CIMAP3: variants seen among roughly 807,000 people sequenced by gnomAD.
CIMAP3 encodes ciliary microtubule-associated protein 3.
the CIMAP3 span, among the ~76,000 whole-genome samples, chr1:111,330,215 C>G: frequency 6.6e-6 from 1 of 152,152 alleles, no homozygotes; most frequent in Non-Finnish European, 1.5e-5. Context: ...GTTAAAAACT[C>G]TTGTTGGAGA....
At chr1:111,327,074 C>A in the CIMAP3 span, among the ~76,000 whole-genome samples, 1 of 152,048 alleles carries the variant, frequency 6.6e-6, no homozygotes, top group Non-Finnish European at 1.5e-5. Flanking sequence ...TCATTTGCTG[C>A]ACAGAAGCTT....
chr1:111,334,086 G>A, the CIMAP3 span, among the ~76,000 whole-genome samples: 1 of 152,144 alleles, frequency 6.6e-6, no homozygotes, highest in Non-Finnish European at 1.5e-5. Flanking sequence ...CACATTATTA[G>A]TGACATAAAG....
At chr1:111,333,518 G>A in the CIMAP3 span, among the ~76,000 whole-genome samples, 3 of 152,190 alleles carry the variant, frequency 2.0e-5, no homozygotes, top group South Asian at 6.2e-4. Context: ...TCCAAACTGG[G>A]CTCAGGGCTC....
chr1:111,332,208 T>C, the CIMAP3 span, among the ~76,000 whole-genome samples: 2,552 of 152,268 alleles, frequency 0.017, 26 homozygotes, highest in Non-Finnish European at 0.026. Flanking sequence ...GGGCAGTCTG[T>C]GGGGCTGTTA....
At chr1:111,333,694 G>A in the CIMAP3 span, among the ~76,000 whole-genome samples, 66 of 152,244 alleles carry the variant, frequency 4.3e-4, no homozygotes, top group African/African-American at 1.6e-3. Context: ...TCTCCATTCT[G>A]CCCTCCTGGA....
chr1:111,342,106 A>G, the CIMAP3 span, among the ~76,000 whole-genome samples: 1 of 152,204 alleles, frequency 6.6e-6, no homozygotes, highest in Admixed American at 6.5e-5. Flanking sequence ...GACTCAAATA[A>G]GACTACCCCA....
chr1:111,327,643 G>A, the CIMAP3 span, among the ~76,000 whole-genome samples: 3 of 152,214 alleles, frequency 2.0e-5, no homozygotes, highest in East Asian at 5.8e-4. Flanking sequence ...GTTTTTATGT[G>A]TAGAGGTGTT....
At chr1:111,347,702 A>C in the CIMAP3 span, 4 of 1,612,420 alleles carry the variant, frequency 2.5e-6, no homozygotes, top group South Asian at 4.4e-5. Flanking sequence ...GACTTATCTA[A>C]GATCCCAACC....
chr1:111,350,175 A>C, the CIMAP3 span: 1 of 1,614,112 alleles, frequency 6.2e-7, no homozygotes, highest in South Asian at 1.1e-5. Context: ...TTGGATCTCC[A>C]GACTGGGCTC....
the CIMAP3 span, chr1:111,348,427 G>A: frequency 7.9e-7 from 1 of 1,268,198 alleles, no homozygotes; most frequent in African/African-American, 1.5e-5. Context: ...AACAGAAAGA[G>A]GATGATTCTG....
the CIMAP3 span, chr1:111,348,569 AC>A: frequency 6.2e-7 from 1 of 1,612,520 alleles, no homozygotes; most frequent in South Asian, 1.1e-5. Context: ...AGCAGGAAAA[AC>A]ACAAACAAAA....
At chr1:111,348,518 A>C in the CIMAP3 span, 1 of 1,600,526 alleles carries the variant, frequency 6.2e-7, no homozygotes, top group Non-Finnish European at 8.5e-7. Flanking sequence ...GGAAACAGGA[A>C]ATGACACCTC....
At chr1:111,326,868 C>T in the CIMAP3 span, among the ~76,000 whole-genome samples, 22 of 152,194 alleles carry the variant, frequency 1.4e-4, 1 homozygote, top group Non-Finnish European at 2.2e-4. Flanking sequence ...TTCATATCCA[C>T]GTTAGCCATT....
chr1:111,326,108 T>C, the CIMAP3 span, among the ~76,000 whole-genome samples: 1 of 152,188 alleles, frequency 6.6e-6, no homozygotes, highest in Admixed American at 6.5e-5. Context: ...GTCAGGGTAT[T>C]TGAGGTGTCC....
At chr1:111,329,797 G>A in the CIMAP3 span, among the ~76,000 whole-genome samples, 2 of 151,852 alleles carry the variant, frequency 1.3e-5, no homozygotes, top group African/African-American at 4.8e-5. Flanking sequence ...CAGGTAATCA[G>A]CCCGCCTCAG....
chr1:111,328,081 A>AAAGAAGTTC, the CIMAP3 span, among the ~76,000 whole-genome samples: 1 of 152,138 alleles, frequency 6.6e-6, no homozygotes, highest in African/African-American at 2.4e-5. Flanking sequence ...GAACTTCTTG[A>AAAGAAGTTC]TTTCTGCCTT....
At chr1:111,334,710 T>A in the CIMAP3 span, among the ~76,000 whole-genome samples, 17,201 of 152,272 alleles carry the variant, frequency 0.11, 1,108 homozygotes, top group Non-Finnish European at 0.14. Flanking sequence ...TGATAATTTT[T>A]AAAAATTTTT....
chr1:111,331,543 G>T, the CIMAP3 span, among the ~76,000 whole-genome samples: 60 of 151,888 alleles, frequency 4.0e-4, no homozygotes, highest in African/African-American at 1.4e-3. Flanking sequence ...GGATTTGTTT[G>T]GTTCTTTTTT....
chr1:111,330,737 T>C, the CIMAP3 span, among the ~76,000 whole-genome samples: 1 of 152,136 alleles, frequency 6.6e-6, no homozygotes, highest in Non-Finnish European at 1.5e-5. Flanking sequence ...GAGATCTTAG[T>C]AGTGGTTGTG....
Sources: allele counts gnomAD v4.1 joint callset (sites outside exome capture counted in the v4.1 genomes callset), GRCh38; gene constraint gnomAD v4.1.1; transcripts MANE v1.5; gene names NCBI Gene and HGNC (gene_info 2026-07-23, HGNC 2026-07-21).